TECPR2: variants seen among roughly 807,000 people sequenced by gnomAD.
The protein encoded by TECPR2 is tectonin beta-propeller repeat-containing protein 2.
TECPR2 carries 65 observed loss-of-function variants against 138.1 expected under a neutral mutation model. The observed-to-expected ratio is 0.47, with a 90% CI of 0.39 to 0.58. TECPR2 has a LOEUF of 0.58. Ranked by LOEUF, TECPR2 falls within the 20% of genes least tolerant of loss-of-function variation. TECPR2 has a pLI of 0.00. For missense variants in TECPR2, 1,553 were observed against 1,824.5 expected (o/e 0.85, Z 2.71); for synonymous variants, 746 against 749.8 (o/e 0.99, Z 0.08).
chr14:102,384,115 C>T (rs2139666349), intron 2 of TECPR2, among the ~76,000 whole-genome samples: 1 of 151,114 alleles, frequency 6.6e-6, no homozygotes, highest in East Asian at 2.0e-4. Flanking sequence ...GACAGGGTTT[C>T]TCCGTGTTGG....
At chr14:102,459,649 T>C (rs1249571769) in intron 16 of TECPR2, among the ~76,000 whole-genome samples, 1 of 152,164 alleles carries the variant, frequency 6.6e-6, no homozygotes, top group Non-Finnish European at 1.5e-5. Context: ...TTGCCTGTAG[T>C]CCCAGTTACT....
intron 4 of TECPR2, among the ~76,000 whole-genome samples, chr14:102,411,297 C>T (rs1421432780): frequency 6.6e-6 from 1 of 152,200 alleles, no homozygotes; most frequent in African/African-American, 2.4e-5. Flanking sequence ...AATGTCAGGC[C>T]TCTGAGCCCA....
intron 5 of TECPR2, 71 bp from the exon 6 acceptor site, chr14:102,424,908 G>T: frequency 7.0e-7 from 1 of 1,424,522 alleles, no homozygotes. Context: ...AATATTAAGG[G>T]TTGACAACTG....
At chr14:102,440,306 C>A in intron 10 of TECPR2, 130 bp from the exon 11 acceptor site, 1 of 1,309,932 alleles carries the variant, frequency 7.6e-7, no homozygotes, top group Non-Finnish European at 1.0e-6. Context: ...TGGCCTCTTT[C>A]CCCACTTGGG....
rs1014489495 is a variant in TECPR2, at chr14:102,462,431, T to C, written c.3641-2710T>C. Among the ~76,000 whole-genome samples the C allele has an allele frequency of 4.6e-5, 7 of 152,358 alleles. No homozygotes were observed. The East Asian group carries it at 9.6e-4, about 21-fold the overall frequency. On this transcript the variant is annotated intron_variant, in intron 16 of 19. Transcript: ENST00000359520. ...GTTAATTTTTGGAATAGAGAAATTG[T>C]CATCTTTAGAAAATGCAAAGAGGAA...
chr14:102,369,424 T>C (rs528675190), intron 1 of TECPR2, among the ~76,000 whole-genome samples: 26 of 152,292 alleles, frequency 1.7e-4, no homozygotes, highest in African/African-American at 5.8e-4. Context: ...GGTCTTGCTC[T>C]GTCACCTAGG....
intron 17 of TECPR2, among the ~76,000 whole-genome samples, chr14:102,491,883 T>C (rs1891167853): frequency 6.6e-6 from 1 of 152,178 alleles, no homozygotes; most frequent in African/African-American, 2.4e-5. Flanking sequence ...GCAGTTGAGG[T>C]TTCCCCAAAA....
Position 102,472,786 on chromosome 14 carries a change from A to G in TECPR2, c.3789+7497A>G, listed in dbSNP as rs141827040. On this transcript the variant is annotated intron_variant, in intron 17 of 19. Transcript: ENST00000359520. ...ATCTGTTACCCAGAACAGTTGAGCA[A>G]TTTGCCCAGGATCCCAACTCTGGTG... Among the ~76,000 whole-genome samples the G allele has an allele frequency of 4.9e-3, 739 of 152,290 alleles. 20 individuals are homozygous for G. Among genetic ancestry groups the G allele is most frequent in the East Asian group, 0.035 (179 of 5,184 alleles).
chr14:102,428,210 T>C, intron 6 of TECPR2, 40 bp from the exon 7 acceptor site: 1 of 1,501,448 alleles, frequency 6.7e-7, no homozygotes, highest in Non-Finnish European at 8.9e-7. Context: ...GTTGTTTAGT[T>C]TTGTGTTTTT....
intron 17 of TECPR2, among the ~76,000 whole-genome samples, chr14:102,466,643 TTTATATTTTTCCTTTTAAG>T (rs1325856793): frequency 1.3e-5 from 2 of 152,204 alleles, no homozygotes; most frequent in African/African-American, 4.8e-5. Context: ...TTCTAACAAC[TTTATATTTTTCCTTTTAAG>T]TTACAACCCG....
chr14:102,463,518 C>T (rs552293830), intron 16 of TECPR2, among the ~76,000 whole-genome samples: 3 of 148,798 alleles, frequency 2.0e-5, no homozygotes, highest in South Asian at 2.1e-4. Flanking sequence ...GGCAACAGAA[C>T]GAGATTCTGT....
intron 1 of TECPR2, among the ~76,000 whole-genome samples, chr14:102,367,994 CTTTTTTTTT>C (rs56325877): frequency 5.8e-4 from 38 of 65,832 alleles, no homozygotes; most frequent in Non-Finnish European, 7.4e-4. Flanking sequence ...GCTTATTGGC[CTTTTTTTTT>C]TTTTTTTTTT....
chr14:102,466,521 A>G (rs866773799), intron 17 of TECPR2, among the ~76,000 whole-genome samples: 1 of 152,228 alleles, frequency 6.6e-6, no homozygotes, highest in Non-Finnish European at 1.5e-5. Context: ...CACAGTGATT[A>G]TGAAAAGCAA....
At chr14:102,370,449 T>C (rs530364630) in intron 1 of TECPR2, among the ~76,000 whole-genome samples, 2 of 152,300 alleles carry the variant, frequency 1.3e-5, no homozygotes, top group East Asian at 3.9e-4. Flanking sequence ...GCTTGCTTGC[T>C]AGGAGATCTC....
intron 16 of TECPR2, among the ~76,000 whole-genome samples, chr14:102,455,088 T>A (rs1244144553): frequency 6.6e-6 from 1 of 152,044 alleles, no homozygotes; most frequent in Non-Finnish European, 1.5e-5. Context: ...TTGAGTGGGA[T>A]TGAGTCTCAA....
intron 13 of TECPR2, 21 bp downstream of exon 13, chr14:102,445,968 CA>C: frequency 6.2e-7 from 1 of 1,604,036 alleles, no homozygotes; most frequent in Non-Finnish European, 8.5e-7. Flanking sequence ...AGCTCTGCGC[CA>C]CGTGCCGAGG....
intron 17 of TECPR2, among the ~76,000 whole-genome samples, chr14:102,488,070 C>T (rs925209045): frequency 1.0e-4 from 15 of 148,328 alleles, no homozygotes; most frequent in Non-Finnish European, 1.9e-4. Context: ...TCTTGAACTC[C>T]GGACCTCAGG....
At chr14:102,494,303 G>T (rs534114645) in intron 17 of TECPR2, among the ~76,000 whole-genome samples, 2 of 152,216 alleles carry the variant, frequency 1.3e-5, no homozygotes, top group Admixed American at 1.3e-4. Flanking sequence ...AGCACCTTGG[G>T]AAGCCGAGGC....
intron 1 of TECPR2, 134 bp from the exon 2 acceptor site, chr14:102,376,516 G>A (rs559857038): frequency 4.0e-5 from 23 of 577,858 alleles, no homozygotes; most frequent in South Asian, 3.6e-4. Context: ...TTAGTGACAC[G>A]TGTTTACTTT....
Sources: allele counts gnomAD v4.1 joint callset (sites outside exome capture counted in the v4.1 genomes callset), GRCh38; gene constraint gnomAD v4.1.1; transcripts MANE v1.5; gene names NCBI Gene and HGNC (gene_info 2026-07-23, HGNC 2026-07-21).